PPFIA3: variants seen among roughly 807,000 people sequenced by gnomAD.
The protein encoded by PPFIA3 is PPFI scaffold protein A3, also known as liprin-alpha-3.
A neutral mutation model predicts 145.8 loss-of-function variants in PPFIA3; 26 were observed. That is an observed-to-expected ratio of 0.18 (90% CI 0.13 to 0.25). The LOEUF (loss-of-function observed/expected upper bound fraction) is 0.25, where lower values mean the gene tolerates loss of function less well. Among genes scored for constraint, PPFIA3 ranks in the 10% least tolerant of loss-of-function variants. The pLI is 1.00. For missense variants in PPFIA3, 1,008 were observed against 1,587.8 expected (o/e 0.63, Z 6.21); for synonymous variants, 645 against 661.4 (o/e 0.98, Z 0.38).
At chr19:49,146,119 G>A (rs1299571870) in intron 22 of PPFIA3, 47 bp from the exon 23 acceptor site, 1 of 1,612,740 alleles carries the variant, frequency 6.2e-7, no homozygotes, top group South Asian at 1.1e-5. Flanking sequence ...TCCTCTGCCT[G>A]CCCCTTAACT....
In PPFIA3 at chr19:49,128,105, C is replaced by A. The variant is rs1368477073; in HGVS notation, c.232C>A (p.Leu78Met). Residue 78 changes from leucine to methionine, a missense_variant, in exon 2 of 30, where the codon CTG becomes ATG. Leu to Met is a conservative substitution (Grantham distance 15). Transcript: ENST00000334186. The surrounding 1 kb of genome is among the most constrained non-coding windows in gnomAD (Gnocchi z 4.1). ...GCTGCAGCGCCAGCTCAGCATCGCG[C>A]TGCCCCAGGTCTGGGCGGGACAGGG... ...DSLQRQLSIA[L>M]PQEFAALTKE... 1 of 1,534,782 alleles carries A rather than the reference C, an allele frequency of 6.5e-7. No individual in the cohort carries two copies. Among genetic ancestry groups the A allele is most frequent in the South Asian group, 1.2e-5 (1 of 86,452 alleles).
At chr19:49,141,143 TC>T (rs1436247729) in intron 18 of PPFIA3, among the ~76,000 whole-genome samples, 1 of 152,148 alleles carries the variant, frequency 6.6e-6, no homozygotes, top group Non-Finnish European at 1.5e-5. Context: ...ATGCTACAAA[TC>T]AGGGATTCCC....
At chr19:49,123,130 A>G (rs12975592) in intron 1 of PPFIA3, among the ~76,000 whole-genome samples, 45,138 of 150,198 alleles carry the variant, frequency 0.3, 7,041 homozygotes, top group African/African-American at 0.35. Flanking sequence ...CCGGGTTCAA[A>G]CAATTCTCCT....
At position 49,130,064 on chromosome 19, in the gene PPFIA3, G is replaced by A. The variant is rs1600329698; in HGVS notation, c.654G>A (p.Gly218=). 1 of 1,610,624 alleles carries A rather than the reference G, an allele frequency of 6.2e-7. No homozygotes were observed. Among genetic ancestry groups the A allele is most frequent in the South Asian group, 1.1e-5 (1 of 90,926 alleles). Residue 218 remains glycine (G), a synonymous_variant, in exon 6 of 30, where the codon GGG becomes GGA. Transcript: ENST00000334186. The surrounding 1 kb of genome is among the most constrained non-coding windows in gnomAD (Gnocchi z 4.5). The part of the protein sequence containing the change: ...GLEEPGKDGD[G]QTLANGLGPG... ...AAGAGCCGGGCAAGGATGGGGATGG[G>A]CAGGTGAGACATGGAAGTCCCCTCT...
chr19:49,121,754 C>T (rs944580871), intron 1 of PPFIA3, among the ~76,000 whole-genome samples: 2 of 151,982 alleles, frequency 1.3e-5, no homozygotes, highest in South Asian at 2.1e-4. Flanking sequence ...CCAGCCTGAA[C>T]GACAAGAGCG....
chr19:49,146,538 A>G, intron 23 of PPFIA3: 1 of 358,538 alleles, frequency 2.8e-6, no homozygotes, highest in East Asian at 5.3e-5. Flanking sequence ...TGGACTGCTC[A>G]GTGTACCAGG....
At chr19:49,150,200 T>A in intron 29 of PPFIA3, 36 bp from the exon 30 acceptor site, 2 of 1,465,146 alleles carry the variant, frequency 1.4e-6, no homozygotes, top group Non-Finnish European at 1.9e-6. Context: ...GCACGGTGGA[T>A]CTTCACTGCT....
chr19:49,124,206 A>T (rs1032028386), intron 1 of PPFIA3, among the ~76,000 whole-genome samples: 27 of 152,000 alleles, frequency 1.8e-4, no homozygotes, highest in African/African-American at 6.5e-4. Context: ...TTTTGAGACC[A>T]GGTTATGAGA....
chr19:49,142,175 G>T, intron 20 of PPFIA3, 60 bp downstream of exon 20: 1 of 1,437,532 alleles, frequency 7.0e-7, no homozygotes, highest in South Asian at 1.2e-5. Context: ...AGCCCCACTG[G>T]TAGGGGCTGC....
chr19:49,129,554 T>C (rs974211062), intron 5 of PPFIA3, 100 bp downstream of exon 5: 26 of 1,294,250 alleles, frequency 2.0e-5, no homozygotes, highest in Non-Finnish European at 2.7e-5. Flanking sequence ...AGAGAATCTA[T>C]TGGGGCAGGA....
intron 14 of PPFIA3, 96 bp downstream of exon 14, chr19:49,136,019 G>C: frequency 7.4e-7 from 1 of 1,357,300 alleles, no homozygotes; most frequent in East Asian, 2.7e-5. Context: ...AGGAAGCTGG[G>C]TTGAGAGGCA....
Position 49,132,948 on chromosome 19 carries a change from C to A in PPFIA3, c.880-53C>A, listed in dbSNP as rs544292405. 4.0e-5 allele frequency: 63 copies of A among 1,575,660 alleles called. No individual in the cohort carries two copies. In the East Asian group the frequency reaches 9.8e-4, roughly 25 times the overall value. ...TTTCCCAGGGAACAAGGGGGTTCCC[C>A]GTCCTCTCCCCCAGGGGCTCGCAGT... On this transcript the variant is annotated intron_variant, in intron 7 of 29. Transcript: ENST00000334186.
In PPFIA3 at chr19:49,150,256, G is replaced by GA; in HGVS notation, c.*36dup. 1 of 1,070,434 alleles carries GA rather than the reference G, an allele frequency of 9.3e-7. No individual in the cohort carries two copies. The highest frequency in any genetic ancestry group is 1.6e-5 in the African/African-American group (1 of 63,722). 66.3% of individuals were successfully genotyped at this position (1,070,434 alleles called of 1,614,324 possible). A position where few individuals can be genotyped will look rare whatever the true frequency, so the allele number is the denominator to read the frequency against. ...TGCAGGTGACCTCACTCGGACGGAA[G>GA]AATCTTCCCGAGGCTGGGCTGTTCC... is the stretch of plus-strand genomic sequence containing the variant. On this transcript the variant is annotated 3_prime_UTR_variant, in exon 30 of 30. Coordinates refer to ENST00000334186, the MANE Select transcript of PPFIA3 (RefSeq NM_003660.4).
rs748030665 is a variant in PPFIA3 at position 49,139,698 on chromosome 19, C to T, written c.2107C>T (p.Pro703Ser). The T allele has an allele frequency of 1.2e-6, 2 of 1,610,104 alleles. No individual in the cohort carries two copies. The highest frequency in any genetic ancestry group is 2.2e-5 in the South Asian group (2 of 90,634). Residue 703 changes from proline to serine, a missense_variant, in exon 17 of 30, where the codon CCA becomes TCA. By Grantham distance (74) the Pro-to-Ser change is moderately conservative. Around this residue, in one of 11 missense-constraint regions of PPFIA3, gnomAD observed 202 missense variants for 241.8 expected, o/e 0.84. Transcript: ENST00000334186. Reference protein sequence around the residue: ...NHVPKEEAGAPRGEGPAIPGD... With the variant: ...NHVPKEEAGASRGEGPAIPGD... The stretch of plus-strand genomic sequence containing the variant: ...TGTCCCTAAGGAGGAAGCTGGAGCT[C>T]CACGAGGGGAGGGGCCGGCCATCCC...
rs919799584 is a variant in PPFIA3 at position 49,149,461 on chromosome 19, A to C, written c.3355-86A>C. The C allele has an allele frequency of 9.5e-6, 15 of 1,586,868 alleles. No homozygotes were observed. Among genetic ancestry groups the C allele is most frequent in the Middle Eastern group, 1.7e-4 (1 of 6,000 alleles). On this transcript the variant is annotated intron_variant, in intron 27 of 29. Transcript: ENST00000334186. The surrounding 1 kb of genome is among the most constrained non-coding windows in gnomAD (Gnocchi z 5.7). ...GAGGGGCGGGGTTAAAGGAGAGGTG[A>C]GACCCGGAGAGGGGTGGAGTCAAAG...
chr19:49,147,975 A>G, intron 23 of PPFIA3, 108 bp from the exon 24 acceptor site: 1 of 1,170,948 alleles, frequency 8.5e-7, no homozygotes, highest in Non-Finnish European at 1.2e-6. Context: ...TTGTCCTACC[A>G]TGGGGTGGGA....
rs764172836 is a variant in PPFIA3 at position 49,139,722 on chromosome 19, C to T, written c.2131C>T (p.Pro711Ser). 6.2e-7 allele frequency: 1 copy of T among 1,613,590 alleles called. No homozygotes were observed. The highest frequency in any genetic ancestry group is 1.1e-5 in the South Asian group (1 of 91,036). ...TCCACGAGGGGAGGGGCCGGCCATC[C>T]CAGGAGACACCCCACCACCCACTCC... ...GAPRGEGPAI[P>S]GDTPPPTPRS... Residue 711 changes from proline (P) to serine (S), a missense_variant, in exon 17 of 30, where the codon CCA (proline) becomes TCA (serine). Pro to Ser is a moderately conservative substitution (Grantham distance 74). This residue lies in a region of PPFIA3 where 202 missense variants were observed against 241.8 expected (regional missense o/e 0.84). Transcript: ENST00000334186.
Position 49,148,780 on chromosome 19 carries a change from G to A in PPFIA3, c.3109+17G>A, listed in dbSNP as rs760166645. The A allele has an allele frequency of 3.7e-6, 6 of 1,604,014 alleles. No individual in the cohort carries two copies. Among genetic ancestry groups the A allele is most frequent in the East Asian group, 4.5e-5 (2 of 44,812 alleles). On this transcript the variant is annotated intron_variant, in intron 25 of 29. Coordinates refer to ENST00000334186, the MANE Select transcript of PPFIA3 (RefSeq NM_003660.4). ...AGATCCGAGGTGAGTAGAGCCTAAG[G>A]GTCCCTTTGGGAGCCAGGTGGAGGG...
At chr19:49,146,368 G>A (rs2041280865) in intron 23 of PPFIA3, 176 bp downstream of exon 23, 9 of 746,524 alleles carry the variant, frequency 1.2e-5, no homozygotes, top group Non-Finnish European at 1.9e-5. Context: ...GGGGAGGGTA[G>A]AGGGGATGCG....
Sources: gnomAD v4.1 joint callset for allele counts (sites outside exome capture counted in the v4.1 genomes callset) on GRCh38, gnomAD v4.1.1 for gene constraint, gnomAD v4.1.1 regional missense constraint, Gnocchi (gnomAD v3.1) non-coding constraint, MANE v1.5 for transcripts, NCBI Gene and HGNC (gene_info 2026-07-23, HGNC 2026-07-21) for gene names.